THSD7B: variants seen among roughly 807,000 people sequenced by gnomAD.
The protein encoded by THSD7B is thrombospondin type 1 domain containing 7B.
THSD7B carries 138 observed loss-of-function variants against 213.6 expected under a neutral mutation model. The ratio of observed to expected loss-of-function variants is 0.65; its 90% CI spans 0.56 to 0.74. THSD7B has a LOEUF of 0.74. Ranked by LOEUF, THSD7B falls within the 30% of genes least tolerant of loss-of-function variation. THSD7B has a pLI of 0.00. For missense variants in THSD7B, 1,931 were observed against 1,991.5 expected (o/e 0.97, Z 0.58); for synonymous variants, 742 against 687.0 (o/e 1.08, Z -1.25).
chr2:137,642,396 G>A, intron 20 of THSD7B, 92 bp from the exon 21 acceptor site: 1 of 1,450,542 alleles, frequency 6.9e-7, no homozygotes, highest in Non-Finnish European at 9.3e-7. Context: ...CTATTAAAAT[G>A]AAGACTTACA....
At chr2:137,599,918 G>C (rs9287476) in intron 17 of THSD7B, among the ~76,000 whole-genome samples, 47,382 of 151,834 alleles carry the variant, frequency 0.31, 7,868 homozygotes, top group South Asian at 0.48. Flanking sequence ...CTCTACCAAG[G>C]CCTCCTCCTT....
At chr2:137,063,230 ACTCT>A (rs1687312300) in intron 3 of THSD7B, among the ~76,000 whole-genome samples, 1 of 151,750 alleles carries the variant, frequency 6.6e-6, no homozygotes, top group Non-Finnish European at 1.5e-5. Flanking sequence ...TTTATTATTC[ACTCT>A]GACAGTCTGT....
At chr2:136,870,591 G>A (rs1025133948) in intron 1 of THSD7B, among the ~76,000 whole-genome samples, 2 of 152,204 alleles carry the variant, frequency 1.3e-5, no homozygotes, top group Non-Finnish European at 2.9e-5. Flanking sequence ...CATCTCAGTT[G>A]TGCTGAAGAG....
At chr2:137,083,747 A>G (rs1042467706) in intron 3 of THSD7B, among the ~76,000 whole-genome samples, 3 of 152,062 alleles carry the variant, frequency 2.0e-5, no homozygotes, top group Non-Finnish European at 2.9e-5. Context: ...TGATGTTGCA[A>G]ACGTTCGCTG....
At chr2:137,238,547 T>C (rs1273404950) in intron 9 of THSD7B, among the ~76,000 whole-genome samples, 3 of 113,664 alleles carry the variant, frequency 2.6e-5, no homozygotes, top group Non-Finnish European at 5.5e-5. Flanking sequence ...TTTTTTTTTT[T>C]TTTTTTTTTT....
intron 2 of THSD7B, among the ~76,000 whole-genome samples, chr2:136,912,191 G>T (rs1440386272): frequency 2.0e-5 from 3 of 151,724 alleles, no homozygotes; most frequent in African/African-American, 7.3e-5. Context: ...GTGTGCTGGT[G>T]GGCGCCCATA....
At chr2:137,442,192 T>C (rs1377442) in intron 14 of THSD7B, among the ~76,000 whole-genome samples, 151,834 of 152,226 alleles carry the variant, frequency 1, 75,726 homozygotes, top group Middle Eastern at 1. Flanking sequence ...ATAAATTATA[T>C]ATTTTCCTGA....
chr2:137,286,284 G>A (rs1036332914), intron 12 of THSD7B, among the ~76,000 whole-genome samples: 2 of 152,014 alleles, frequency 1.3e-5, no homozygotes, highest in Admixed American at 6.6e-5. Flanking sequence ...TTATCTTCAT[G>A]GAGAGAAGGT....
At chr2:137,347,999 A>G (rs759642571) in intron 12 of THSD7B, among the ~76,000 whole-genome samples, 18 of 151,460 alleles carry the variant, frequency 1.2e-4, no homozygotes, top group Non-Finnish European at 1.9e-4. Flanking sequence ...GCATTACTAG[A>G]GGAAATGTAG....
chr2:137,174,996 C>A (rs1386211698), intron 7 of THSD7B, among the ~76,000 whole-genome samples: 1 of 152,268 alleles, frequency 6.6e-6, no homozygotes, highest in East Asian at 1.9e-4. Flanking sequence ...ATAACTGGTT[C>A]GTTATTGCCA....
chr2:137,617,015 A>G (rs926570025), intron 18 of THSD7B, among the ~76,000 whole-genome samples: 6 of 149,476 alleles, frequency 4.0e-5, no homozygotes, highest in African/African-American at 7.5e-5. Flanking sequence ...AGGCAAAGCA[A>G]TTGCCTTTTC....
chr2:136,950,775 C>A (rs528084319), intron 2 of THSD7B, among the ~76,000 whole-genome samples: 2 of 152,104 alleles, frequency 1.3e-5, no homozygotes, highest in Non-Finnish European at 2.9e-5. Context: ...CTATTTTGCA[C>A]GATCCCATCA....
intron 10 of THSD7B, among the ~76,000 whole-genome samples, chr2:137,255,100 T>C (rs1363921528): frequency 6.6e-6 from 1 of 152,212 alleles, no homozygotes; most frequent in Non-Finnish European, 1.5e-5. Flanking sequence ...AACAAGGTCA[T>C]ACATGGTCTT....
At chr2:137,414,272 CA>C (rs926975711) in intron 14 of THSD7B, among the ~76,000 whole-genome samples, 11 of 151,286 alleles carry the variant, frequency 7.3e-5, no homozygotes, top group African/African-American at 2.7e-4. Context: ...TATGTATTTT[CA>C]AAAAAAGGTT....
intron 15 of THSD7B, among the ~76,000 whole-genome samples, chr2:137,533,977 T>A (rs1680450732): frequency 6.7e-6 from 1 of 150,164 alleles, no homozygotes; most frequent in Admixed American, 6.6e-5. Context: ...AAGTATTTAT[T>A]AAATAACTGC....
At chr2:137,632,508 C>T (rs1049267024) in intron 20 of THSD7B, among the ~76,000 whole-genome samples, 10 of 152,116 alleles carry the variant, frequency 6.6e-5, no homozygotes, top group Admixed American at 6.6e-4. Flanking sequence ...GGAAATTGCT[C>T]ATTGTGGGTA....
chr2:137,089,245 G>GGT (rs70975799), intron 3 of THSD7B, among the ~76,000 whole-genome samples: 3,762 of 126,744 alleles, frequency 0.03, 77 homozygotes, highest in East Asian at 0.11. Flanking sequence ...TAAAGAAAGT[G>GGT]GTGTGTGTGT....
At position 137,667,839 on chromosome 2, in the gene THSD7B, A is replaced by G. The variant is rs1683479970; in HGVS notation, c.4717A>G (p.Ile1573Val). The G allele has an allele frequency of 1.3e-6, 2 of 1,598,816 alleles. No homozygotes were observed. Among genetic ancestry groups the G allele is most frequent in the African/African-American group, 2.7e-5 (2 of 74,732 alleles). The change falls in exon 27 of 28, where the codon ATA (isoleucine) becomes GTA (valine). Residue 1573 changes from isoleucine to valine, a missense_variant. Transcript: ENST00000409968. ...GGAFLIMIFLIFTSYLVCKKP... is the reference protein window; with the variant it reads ...GGAFLIMIFLVFTSYLVCKKP... ...CGCTTTTCTCATCATGATTTTCCTA[A>G]TATTTACTTCCTACCTTGTTTGGTA...
chr2:137,089,898 T>C (rs1478332495), intron 3 of THSD7B, among the ~76,000 whole-genome samples: 1 of 151,906 alleles, frequency 6.6e-6, no homozygotes, highest in Non-Finnish European at 1.5e-5. Flanking sequence ...TCCCAGCTAC[T>C]TGGGAGGCTG....
Sources: allele counts gnomAD v4.1 joint callset (sites outside exome capture counted in the v4.1 genomes callset), GRCh38; gene constraint gnomAD v4.1.1; transcripts MANE v1.5; gene names NCBI Gene and HGNC (gene_info 2026-07-23, HGNC 2026-07-21).